MYO3A: variants seen among roughly 807,000 people sequenced by gnomAD.
MYO3A encodes myosin-IIIa.
MYO3A carries 180 observed loss-of-function variants against 192.7 expected under a neutral mutation model. That is an observed-to-expected ratio of 0.93 (90% CI 0.83 to 1.06). The LOEUF is 1.06. Among genes scored for constraint, MYO3A ranks in the 50% least tolerant of loss-of-function variants. MYO3A has a pLI of 0.00. For synonymous variants in MYO3A, 628 were observed against 645.3 expected, an observed-to-expected ratio of 0.97 and a Z score of 0.41; for missense variants, 1,896 against 1,905.0, an observed-to-expected ratio of 1.00 and a Z score of 0.09.
At chr10:26,147,605 A>G (rs1033300481) in intron 23 of MYO3A, 46 bp downstream of exon 23, 2 of 1,612,550 alleles carry the variant, frequency 1.2e-6, no homozygotes, top group African/African-American at 2.7e-5. Flanking sequence ...GCCCAATCAA[A>G]TAGTTTCTAT....
intron 17 of MYO3A, among the ~76,000 whole-genome samples, chr10:26,114,280 A>G (rs1306802675): frequency 6.6e-6 from 1 of 152,162 alleles, no homozygotes; most frequent in East Asian, 1.9e-4. Context: ...CCTCTCTCAC[A>G]TGGGCATCAG....
intron 4 of MYO3A, among the ~76,000 whole-genome samples, chr10:25,956,639 T>A (rs558163483): frequency 1.5e-3 from 221 of 152,122 alleles, no homozygotes; most frequent in African/African-American, 5.1e-3. Context: ...TTTAAATGAT[T>A]CTACAAATAA....
chr10:26,061,955 GCT>G (rs1834510377), intron 10 of MYO3A, among the ~76,000 whole-genome samples: 2 of 151,642 alleles, frequency 1.3e-5, no homozygotes, highest in Admixed American at 1.3e-4. Context: ...TATAAGAATC[GCT>G]TTGAAAATAG....
chr10:26,080,773 C>G (rs1270576990), intron 14 of MYO3A, among the ~76,000 whole-genome samples: 1 of 152,160 alleles, frequency 6.6e-6, no homozygotes, highest in Non-Finnish European at 1.5e-5. Flanking sequence ...TCCCTCTTTT[C>G]CTATGGATGT....
chr10:26,137,692 C>T (rs1839930736), intron 20 of MYO3A, among the ~76,000 whole-genome samples: 1 of 152,176 alleles, frequency 6.6e-6, no homozygotes, highest in Non-Finnish European at 1.5e-5. Flanking sequence ...GAAGACATCA[C>T]TAAATTATTT....
chr10:26,141,719 A>C (rs1195017127), intron 20 of MYO3A, among the ~76,000 whole-genome samples: 1 of 152,218 alleles, frequency 6.6e-6, no homozygotes, highest in African/African-American at 2.4e-5. Context: ...TTACCTTCAA[A>C]TACAAAAGCT....
chr10:25,972,129 A>G (rs560100084), intron 4 of MYO3A, among the ~76,000 whole-genome samples: 2 of 152,178 alleles, frequency 1.3e-5, no homozygotes, highest in East Asian at 1.9e-4. Context: ...ATGTATGCTT[A>G]TATTTCTCTG....
In MYO3A at chr10:26,125,574, A is replaced by G. The variant is rs763544427; in HGVS notation, c.2080A>G (p.Ile694Val). Residue 694 changes from isoleucine (I) to valine (V), a missense_variant, in exon 19 of 35, where the codon ATT becomes GTT. Coordinates refer to ENST00000642920, the MANE Select transcript of MYO3A (RefSeq NM_017433.5). ...GRLFSWIVNCINSLLKHDSSP... is the reference protein window; with the variant it reads ...GRLFSWIVNCVNSLLKHDSSP... The stretch of plus-strand genomic sequence containing the variant: ...TCTCTTTAGTTGGATAGTCAATTGC[A>G]TTAACAGTTTGTTGAAGCATGACTC... 3 of 1,613,952 alleles carry G rather than the reference A, an allele frequency of 1.9e-6. No homozygotes were observed. In the African/African-American group the frequency reaches 4.0e-5, roughly 22 times the overall value.
chr10:26,112,891 A>G lies in MYO3A; in HGVS notation c.1777-7785A>G, dbSNP rs374358510. Among the ~76,000 whole-genome samples, 20 of 152,338 alleles carry G rather than the reference A, an allele frequency of 1.3e-4. 1 individual carries two copies. The South Asian group carries it at 3.5e-3, about 27-fold the overall frequency. On this transcript the variant is annotated intron_variant, in intron 17 of 34. Transcript: ENST00000642920. ...TGATTCATAGTAGTTTGATGATTCA[A>G]TGAGTAGTTTGTCTCATTTAGAAAC...
chr10:25,999,307 G>A (rs1840637344), intron 6 of MYO3A, among the ~76,000 whole-genome samples: 2 of 152,256 alleles, frequency 1.3e-5, no homozygotes, highest in South Asian at 4.2e-4. Flanking sequence ...AGAAAAGAGG[G>A]CCAGTTGCTT....
intron 14 of MYO3A, among the ~76,000 whole-genome samples, chr10:26,085,713 G>A (rs1267377081): frequency 1.3e-5 from 2 of 152,180 alleles, no homozygotes; most frequent in Non-Finnish European, 1.5e-5. Flanking sequence ...TGGTGGAAGG[G>A]AGCTCCCTCA....
At chr10:26,100,057 C>T (rs982671790) in intron 17 of MYO3A, among the ~76,000 whole-genome samples, 2 of 151,976 alleles carry the variant, frequency 1.3e-5, no homozygotes, top group Non-Finnish European at 2.9e-5. Flanking sequence ...TTTTTTGATT[C>T]GTAGGCTATT....
At chr10:25,952,602 A>C (rs1837280944) in intron 3 of MYO3A, among the ~76,000 whole-genome samples, 1 of 152,166 alleles carries the variant, frequency 6.6e-6, no homozygotes, top group African/African-American at 2.4e-5. Flanking sequence ...GTCTAGAAGT[A>C]ATCCTGAAAT....
chr10:26,198,405 C>G (rs986011884), intron 32 of MYO3A, among the ~76,000 whole-genome samples: 2 of 152,150 alleles, frequency 1.3e-5, no homozygotes, highest in Non-Finnish European at 2.9e-5. Flanking sequence ...TGACTCAGGG[C>G]CAAGTTTCCT....
intron 17 of MYO3A, among the ~76,000 whole-genome samples, chr10:26,117,835 T>A (rs1418080932): frequency 6.6e-6 from 1 of 152,124 alleles, no homozygotes; most frequent in Non-Finnish European, 1.5e-5. Context: ...TAGAAAAATT[T>A]ATATTCTTTT....
At chr10:25,955,105 A>C in intron 4 of MYO3A, 97 bp downstream of exon 4, 1 of 1,488,538 alleles carries the variant, frequency 6.7e-7, no homozygotes, top group African/African-American at 1.4e-5. Flanking sequence ...TCATAAAAAC[A>C]GTTCTGATAA....
intron 34 of MYO3A, among the ~76,000 whole-genome samples, chr10:26,206,560 T>C (rs1843960811): frequency 6.6e-6 from 1 of 152,110 alleles, no homozygotes; most frequent in Non-Finnish European, 1.5e-5. Context: ...GTGATTCTCC[T>C]GCCTCAGCCT....
intron 14 of MYO3A, among the ~76,000 whole-genome samples, chr10:26,081,133 T>TCCCCCGCCCCCCCCC (rs1835905112): frequency 1.2e-5 from 1 of 84,940 alleles, no homozygotes; most frequent in Non-Finnish European, 2.5e-5. Context: ...TATATGCCCT[T>TCCCCCGCCCCCCCCC]CCCCCCCCCC....
intron 8 of MYO3A, chr10:26,023,576 A>G (rs539955938): frequency 1.1e-5 from 2 of 179,766 alleles, no homozygotes; most frequent in East Asian, 2.8e-4. Flanking sequence ...ACAACAACTC[A>G]TAAGGGCATT....
Sources: gnomAD v4.1 joint callset for allele counts (sites outside exome capture counted in the v4.1 genomes callset) on GRCh38, gnomAD v4.1.1 for gene constraint, MANE v1.5 for transcripts, NCBI Gene and HGNC (gene_info 2026-07-23, HGNC 2026-07-21) for gene names.